The following EML4 variants were observed in gnomAD, a reference collection of about 807,000 sequenced individuals.
The protein encoded by EML4 is echinoderm microtubule-associated protein-like 4.
In EML4, 72 loss-of-function variants were observed where a neutral mutation model predicts 129.0. That is an observed-to-expected ratio of 0.56 (90% confidence interval 0.46 to 0.68). EML4 has a LOEUF of 0.68. EML4 is among the 30% of genes least tolerant of loss of function. The pLI is 0.00. For missense variants in EML4, 1,363 were observed against 1,190.6 expected (o/e 1.14, Z -2.13); for synonymous variants, 532 against 405.0 (o/e 1.31, Z -3.77).
intron 6 of EML4, among the ~76,000 whole-genome samples, chr2:42,278,573 CAAAAAAAAAA>C (rs35916382): frequency 2.4e-4 from 13 of 54,284 alleles, no homozygotes; most frequent in South Asian, 2.2e-3. Context: ...GACTCCATCT[CAAAAAAAAAA>C]AAAAAAAAAA....
chr2:42,276,684 A>G (rs1384870327), intron 6 of EML4, among the ~76,000 whole-genome samples: 1 of 152,246 alleles, frequency 6.6e-6, no homozygotes, highest in Non-Finnish European at 1.5e-5. Context: ...TTAATCACTT[A>G]TAATTCCAAA....
chr2:42,272,615 T>G (rs949815661), intron 6 of EML4, among the ~76,000 whole-genome samples: 5 of 152,220 alleles, frequency 3.3e-5, no homozygotes, highest in Non-Finnish European at 7.3e-5. Flanking sequence ...ATGAAAATAT[T>G]TCACTCAGTT....
At chr2:42,218,912 T>C (rs981272661) in intron 1 of EML4, among the ~76,000 whole-genome samples, 2 of 152,154 alleles carry the variant, frequency 1.3e-5, no homozygotes, top group Non-Finnish European at 2.9e-5. Context: ...AATCTTCCCA[T>C]CTCAGCCTCG....
intron 1 of EML4, chr2:42,170,151 A>C (rs1384043910): frequency 1.3e-5 from 2 of 152,984 alleles, no homozygotes; most frequent in East Asian, 3.8e-4. Flanking sequence ...CCCGCCCCCA[A>C]GTCTTCACTT....
At chr2:42,232,884 G>C (rs975382888) in intron 1 of EML4, among the ~76,000 whole-genome samples, 1 of 151,644 alleles carries the variant, frequency 6.6e-6, no homozygotes, top group Non-Finnish European at 1.5e-5. Flanking sequence ...GCCACAACGC[G>C]CGGCTAATTT....
intron 1 of EML4, among the ~76,000 whole-genome samples, chr2:42,195,059 T>G (rs757826907): frequency 5.5e-4 from 83 of 152,222 alleles, no homozygotes; most frequent in Non-Finnish European, 9.8e-4. Context: ...GTTGCATGGT[T>G]AGCTAGTTCA....
chr2:42,201,332 C>T (rs1672220352), intron 1 of EML4, among the ~76,000 whole-genome samples: 1 of 152,162 alleles, frequency 6.6e-6, no homozygotes, highest in Admixed American at 6.5e-5. Context: ...CCCCATTTTA[C>T]AGAGGTGGAA....
Position 42,282,300 on chromosome 2 carries a change from C to G in EML4, c.792-523C>G, listed in dbSNP as rs578013791. On this transcript the variant is annotated intron_variant, in intron 7 of 22. Transcript: ENST00000318522. ...CATTAGGATTTCAATACATATTTGT[C>G]TGGTAAATGAGGAAACTAAGATCTT... 1.6e-3 allele frequency among the ~76,000 whole-genome samples: 240 copies of G among 147,812 alleles called. 1 individual carries two copies. The highest frequency in any genetic ancestry group is 5.8e-3 in the African/African-American group (232 of 39,908).
At chr2:42,188,359 T>C (rs1369230074) in intron 1 of EML4, among the ~76,000 whole-genome samples, 2 of 152,158 alleles carry the variant, frequency 1.3e-5, no homozygotes, top group Non-Finnish European at 2.9e-5. Context: ...TAGCTGGGAC[T>C]ACAGGTGCAC....
chr2:42,322,618 C>T (rs955911393), intron 19 of EML4, among the ~76,000 whole-genome samples: 12 of 152,328 alleles, frequency 7.9e-5, no homozygotes, highest in African/African-American at 2.9e-4. Context: ...TGTGGTAACG[C>T]CATATGGCTA....
intron 1 of EML4, among the ~76,000 whole-genome samples, chr2:42,236,732 T>G (rs1558527535): frequency 6.6e-6 from 1 of 151,994 alleles, no homozygotes; most frequent in Admixed American, 6.6e-5. Context: ...ATTGCCAAGG[T>G]TTTTTTTCCC....
At chr2:42,318,289 C>G (rs1388432155) in intron 19 of EML4, among the ~76,000 whole-genome samples, 2 of 152,174 alleles carry the variant, frequency 1.3e-5, no homozygotes, top group Non-Finnish European at 2.9e-5. Context: ...TTTAGGGAAA[C>G]AGATAAAAGA....
intron 2 of EML4, among the ~76,000 whole-genome samples, chr2:42,246,605 G>A (rs1309822350): frequency 1.3e-5 from 2 of 152,136 alleles, no homozygotes; most frequent in Non-Finnish European, 2.9e-5. Context: ...GGGTGTATAT[G>A]GTATGTAGAG....
At chr2:42,236,940 T>A (rs1674715566) in intron 1 of EML4, among the ~76,000 whole-genome samples, 1 of 152,214 alleles carries the variant, frequency 6.6e-6, no homozygotes, top group Non-Finnish European at 1.5e-5. Context: ...TTATGTTTGT[T>A]GACCATTTAT....
At chr2:42,243,383 C>T (rs1401689565) in intron 1 of EML4, among the ~76,000 whole-genome samples, 1 of 151,404 alleles carries the variant, frequency 6.6e-6, no homozygotes. Context: ...ATAAAAATTT[C>T]TAAGGCGAGA....
intron 1 of EML4, among the ~76,000 whole-genome samples, chr2:42,232,811 G>A (rs1674428158): frequency 6.6e-6 from 1 of 152,022 alleles, no homozygotes; most frequent in African/African-American, 2.4e-5. Flanking sequence ...TGCAAGCTCC[G>A]CCTCCCGAGT....
chr2:42,322,735 G>C (rs1669584558), intron 19 of EML4, among the ~76,000 whole-genome samples: 1 of 152,170 alleles, frequency 6.6e-6, no homozygotes, highest in African/African-American at 2.4e-5. Flanking sequence ...TAAAGTTTGA[G>C]GCTTTTTTCT....
chr2:42,213,752 T>A (rs1159731286), intron 1 of EML4, among the ~76,000 whole-genome samples: 2 of 152,226 alleles, frequency 1.3e-5, no homozygotes, highest in African/African-American at 4.8e-5. Context: ...AATTTAATAT[T>A]TAAAATTTTT....
rs1671352101 is a variant in EML4, at chr2:42,187,881, T to C, written c.25+18245T>C. On this transcript the variant is annotated intron_variant, in intron 1 of 22. Transcript: ENST00000318522. ...TTGATGTTCAACTTATTTTTTTCTT[T>C]TGTAGTTTATACTTTTTGTGTCCTA... Among the ~76,000 whole-genome samples, 6 of 152,206 alleles carry C rather than the reference T, an allele frequency of 3.9e-5. No homozygotes were observed. The South Asian group carries it at 1.2e-3, about 32-fold the overall frequency.
Sources: allele counts gnomAD v4.1 joint callset (sites outside exome capture counted in the v4.1 genomes callset), GRCh38; gene constraint gnomAD v4.1.1; transcripts MANE v1.5; gene names NCBI Gene and HGNC (gene_info 2026-07-23, HGNC 2026-07-21).